Variants in TCF4 observed in about 807,000 individuals in gnomAD.
TCF4 encodes SL3-3 enhancer factor 2.
TCF4 carries 3 observed loss-of-function variants against 82.1 expected under a neutral mutation model. The observed-to-expected ratio is 0.04, with a 90% CI of 0.02 to 0.09. The LOEUF is 0.09. TCF4 is among the 10% of genes least tolerant of loss of function. TCF4 has a pLI of 1.00. For synonymous variants in TCF4, 276 were observed against 309.6 expected (o/e 0.89, Z 1.14); for missense variants, 518 against 852.7 (o/e 0.61, Z 4.89).
upstream of TCF4, chr18:55,588,703 C>A: frequency 5.3e-6 from 7 of 1,313,360 alleles, no homozygotes; most frequent in South Asian, 1.7e-4. Flanking sequence ...CAATATTTTT[C>A]TTTTTCGTCT....
At chr18:55,393,623 C>T (rs2093314340) in intron 6 of TCF4, among the ~76,000 whole-genome samples, 1 of 152,030 alleles carries the variant, frequency 6.6e-6, no homozygotes, top group Admixed American at 6.5e-5. Context: ...GGGTCCTTTC[C>T]CTTTGATTTT....
intron 3 of TCF4, among the ~76,000 whole-genome samples, chr18:55,567,055 T>C (rs148677664): frequency 6.6e-6 from 1 of 152,082 alleles, no homozygotes; most frequent in African/African-American, 2.4e-5. Context: ...AACAGTAGAA[T>C]AAAACCATCA....
At chr18:55,367,312 T>C (rs1038066646) in intron 6 of TCF4, among the ~76,000 whole-genome samples, 1 of 152,236 alleles carries the variant, frequency 6.6e-6, no homozygotes, top group South Asian at 2.1e-4. Flanking sequence ...TTGCATACTT[T>C]CTCCATCCCA....
At chr18:55,575,487 T>C (rs2147653910) in intron 3 of TCF4, among the ~76,000 whole-genome samples, 1 of 152,370 alleles carries the variant, frequency 6.6e-6, no homozygotes, top group Middle Eastern at 3.4e-3. Flanking sequence ...AATCCTTTAC[T>C]TTTTGAAAAG....
chr18:55,453,782 GC>G (rs1001550790), intron 5 of TCF4, among the ~76,000 whole-genome samples: 1 of 150,704 alleles, frequency 6.6e-6, no homozygotes, highest in African/African-American at 2.4e-5. Context: ...TTTTTCAATG[GC>G]CTTTCAAATT....
chr18:55,555,755 G>C (rs966159681), intron 3 of TCF4, among the ~76,000 whole-genome samples: 3 of 152,142 alleles, frequency 2.0e-5, no homozygotes, highest in Admixed American at 2.0e-4. Flanking sequence ...ATGTCTTTTA[G>C]TAACTGCATT....
chr18:55,528,915 T>C (rs895163162), intron 3 of TCF4, among the ~76,000 whole-genome samples: 1 of 152,212 alleles, frequency 6.6e-6, no homozygotes, highest in Non-Finnish European at 1.5e-5. Flanking sequence ...CAGTGGCTCA[T>C]GCCTATAATC....
intron 8 of TCF4, among the ~76,000 whole-genome samples, chr18:55,337,287 A>T (rs1049336043): frequency 6.6e-6 from 1 of 152,152 alleles, no homozygotes; most frequent in Non-Finnish European, 1.5e-5. Context: ...CATCTTACTG[A>T]TATCTTATAT....
chr18:55,556,746 C>T (rs1366647904), intron 3 of TCF4, among the ~76,000 whole-genome samples: 1 of 152,188 alleles, frequency 6.6e-6, no homozygotes, highest in Non-Finnish European at 1.5e-5. Context: ...GTTAAAGTTA[C>T]TCATGTTGCT....
chr18:55,380,019 G>A (rs747367405), intron 6 of TCF4, among the ~76,000 whole-genome samples: 16 of 152,236 alleles, frequency 1.1e-4, no homozygotes, highest in Middle Eastern at 3.4e-3. Flanking sequence ...GACTACAGAG[G>A]TATGTGTCAC....
chr18:55,513,007 G>A (rs189107986), intron 3 of TCF4, among the ~76,000 whole-genome samples: 1 of 152,170 alleles, frequency 6.6e-6, no homozygotes, highest in African/African-American at 2.4e-5. Flanking sequence ...ACAAACTCAT[G>A]GTATCTTACT....
chr18:55,240,408 T>C (rs1377458981), intron 15 of TCF4, among the ~76,000 whole-genome samples: 1 of 152,212 alleles, frequency 6.6e-6, no homozygotes, highest in African/African-American at 2.4e-5. Context: ...ATATCAATTA[T>C]ACATGACAGT....
intron 3 of TCF4, among the ~76,000 whole-genome samples, chr18:55,501,314 T>C (rs904375697): frequency 1.6e-4 from 25 of 152,268 alleles, no homozygotes; most frequent in African/African-American, 5.8e-4. Context: ...ATGATTATAC[T>C]GCATTCGGAA....
At chr18:55,535,654 A>G (rs184578803) in intron 3 of TCF4, among the ~76,000 whole-genome samples, 44 of 152,358 alleles carry the variant, frequency 2.9e-4, no homozygotes, top group Admixed American at 2.6e-3. Flanking sequence ...CAGAAAGCAA[A>G]ATCATCTCCT....
chr18:55,349,170 A>G (rs1330325836), intron 8 of TCF4, among the ~76,000 whole-genome samples: 1 of 152,132 alleles, frequency 6.6e-6, no homozygotes, highest in Non-Finnish European at 1.5e-5. Flanking sequence ...ATATTTTTCT[A>G]TATTTATGAA....
At chr18:55,530,318 T>G (rs1024342723) in intron 3 of TCF4, among the ~76,000 whole-genome samples, 9 of 151,686 alleles carry the variant, frequency 5.9e-5, no homozygotes, top group African/African-American at 2.2e-4. Context: ...TTAGAAAGAG[T>G]AGGGGGTTGG....
chr18:55,318,578 T>A (rs1158397543), intron 8 of TCF4, among the ~76,000 whole-genome samples: 1 of 152,156 alleles, frequency 6.6e-6, no homozygotes, highest in African/African-American at 2.4e-5. Context: ...TAAAAATACA[T>A]TCTGGTTTAT....
intron 14 of TCF4, among the ~76,000 whole-genome samples, chr18:55,256,479 C>A (rs1204291388): frequency 6.6e-6 from 1 of 152,078 alleles, no homozygotes; most frequent in Non-Finnish European, 1.5e-5. Context: ...CAAGGAAGAA[C>A]ACAGCAAAGG....
At chr18:55,497,245 C>T (rs954594414) in intron 3 of TCF4, among the ~76,000 whole-genome samples, 1 of 152,174 alleles carries the variant, frequency 6.6e-6, no homozygotes, top group Admixed American at 6.5e-5. Context: ...AAATTAGGCA[C>T]TTCTATTTCA....
Sources: allele counts gnomAD v4.1 joint callset (sites outside exome capture counted in the v4.1 genomes callset), GRCh38; gene constraint gnomAD v4.1.1; transcripts MANE v1.5; gene names NCBI Gene and HGNC (gene_info 2026-07-23, HGNC 2026-07-21).